Variants in PDE4DIP observed in about 807,000 individuals in gnomAD.
The protein encoded by PDE4DIP is phosphodiesterase 4D interacting protein.
In PDE4DIP, 59 loss-of-function variants were observed where a neutral mutation model predicts 221.4. The ratio of observed to expected loss-of-function variants is 0.27; its 90% CI spans 0.22 to 0.33. PDE4DIP has a LOEUF of 0.33. Ranked by LOEUF, PDE4DIP falls within the 10% of genes least tolerant of loss-of-function variation. PDE4DIP has a pLI of 1.00. For missense variants in PDE4DIP, 1,036 were observed against 2,154.2 expected (o/e 0.48, Z 10.28); for synonymous variants, 404 against 815.9 (o/e 0.50, Z 8.60).
chr1:148,991,425 TCA>T (rs2063022382), intron 21 of PDE4DIP: 1 of 157,858 alleles, frequency 6.3e-6, no homozygotes, highest in Non-Finnish European at 1.4e-5. Flanking sequence ...AGAGAGATTG[TCA>T]CCCTATGCAC....
rs1469063936 is a variant in PDE4DIP, at chr1:148,946,276, CG to C, written c.636+8414del. On this transcript the variant is annotated intron_variant, in intron 5 of 43. Transcript: ENST00000369354. ...AAAGAGGGAAGCAGAGGGCCAGGCG[CG>C]GTGGCTCACGCATATAATCCCAGCA... Among the ~76,000 whole-genome samples, 200 of 142,060 alleles carry C rather than the reference CG, an allele frequency of 1.4e-3. 3 individuals carry two copies. The highest frequency in any genetic ancestry group is 5.1e-3 in the African/African-American group (194 of 37,982). The allele number at this position is 142,060 out of a possible 152,430, so 93.2% of individuals were successfully genotyped here.
chr1:149,022,581 A>G (rs1553620885), intron 37 of PDE4DIP, among the ~76,000 whole-genome samples: 2 of 152,388 alleles, frequency 1.3e-5, no homozygotes, highest in South Asian at 2.1e-4. Context: ...TGGGAGAATA[A>G]TTTAAGTACA....
At chr1:148,933,815 C>A (rs1553472808) in intron 4 of PDE4DIP, among the ~76,000 whole-genome samples, 1 of 151,796 alleles carries the variant, frequency 6.6e-6, no homozygotes, top group Non-Finnish European at 1.5e-5. Flanking sequence ...TCTGATTTCT[C>A]CCACACTCAT....
chr1:148,952,086 C>T (rs1574111326), intron 5 of PDE4DIP: 3 of 1,017,058 alleles, frequency 2.9e-6, no homozygotes, highest in Non-Finnish European at 3.5e-6. Flanking sequence ...CTTTCTCCTC[C>T]CCGCGAGGAG....
At chr1:148,938,122 C>T (rs2049666363) in intron 5 of PDE4DIP, 1 of 298,130 alleles carries the variant, frequency 3.4e-6, no homozygotes, top group African/African-American at 2.2e-5. Flanking sequence ...GGAGGCATAC[C>T]TAGGGAAGGA....
intron 17 of PDE4DIP, among the ~76,000 whole-genome samples, chr1:148,975,064 G>A (rs1341884587): frequency 5.7e-5 from 8 of 139,582 alleles, no homozygotes; most frequent in South Asian, 2.5e-4. Context: ...CCAGCTACTC[G>A]GGAGCCTCAG....
intron 9 of PDE4DIP, among the ~76,000 whole-genome samples, chr1:148,963,097 C>T (rs1553514170): frequency 6.6e-6 from 1 of 152,076 alleles, no homozygotes; most frequent in African/African-American, 2.4e-5. Flanking sequence ...AGGTTTTCAT[C>T]GTGTTAGGAT....
rs1278328022 is a variant in PDE4DIP, at chr1:149,023,098, A to G, written c.6086-1347A>G. 5.9e-5 allele frequency among the ~76,000 whole-genome samples: 9 copies of G among 152,402 alleles called. No homozygotes were observed. The East Asian group carries it at 1.2e-3, about 20-fold the overall frequency. The stretch of plus-strand genomic sequence containing the variant: ...TTCATCCTGAGCTACCTTTCCTTTC[A>G]TGCTTTTCTCCCTGCCTTTTAGGAC... On this transcript the variant is annotated intron_variant, in intron 37 of 43. Transcript: ENST00000369354.
At chr1:149,001,063 C>A (rs2065533510) in intron 23 of PDE4DIP, among the ~76,000 whole-genome samples, 1 of 152,106 alleles carries the variant, frequency 6.6e-6, no homozygotes. Flanking sequence ...AGAAGGTTAT[C>A]TCTATCACGT....
chr1:148,820,485 T>TTGAA (rs1400208263), intron 1 of PDE4DIP, among the ~76,000 whole-genome samples: 1 of 146,308 alleles, frequency 6.8e-6, no homozygotes. Context: ...GGAGAATCAC[T>TTGAA]TGAACCCAGG....
chr1:149,024,324 A>T (rs1553624181), intron 37 of PDE4DIP, 121 bp from the exon 41 acceptor site: 1 of 800,862 alleles, frequency 1.2e-6, no homozygotes, highest in East Asian at 2.5e-5. Flanking sequence ...TCCATCACAG[A>T]TGGGTTGCAT....
At chr1:148,948,749 C>T (rs587651585) in intron 5 of PDE4DIP, among the ~76,000 whole-genome samples, 3 of 151,402 alleles carry the variant, frequency 2.0e-5, no homozygotes, top group Non-Finnish European at 4.4e-5. Context: ...CAATTCTATA[C>T]ACCTATGTTA....
intron 21 of PDE4DIP, among the ~76,000 whole-genome samples, chr1:148,987,932 G>T (rs2062201107): frequency 6.6e-6 from 1 of 152,274 alleles, no homozygotes; most frequent in African/African-American, 2.4e-5. Flanking sequence ...AAGAGGTCAT[G>T]AAGTTCCCCC....
At chr1:148,982,071 T>G (rs1479579249) in intron 21 of PDE4DIP, 1 of 152,984 alleles carries the variant, frequency 6.5e-6, no homozygotes, top group Non-Finnish European at 1.5e-5. Flanking sequence ...AAAGTGATCA[T>G]AGTCAACTTT....
intron 1 of PDE4DIP, among the ~76,000 whole-genome samples, chr1:148,813,665 T>C (rs1553353745): frequency 1.1e-5 from 1 of 94,556 alleles, no homozygotes; most frequent in Non-Finnish European, 2.2e-5. Context: ...ACAAAAATAT[T>C]CTATTTTTTT....
At chr1:148,864,265 TAATA>T (rs1185262503) in intron 2 of PDE4DIP, among the ~76,000 whole-genome samples, 24 of 133,600 alleles carry the variant, frequency 1.8e-4, no homozygotes, top group Non-Finnish European at 3.8e-4. Context: ...AATAATAAAA[TAATA>T]AATAAATAAA....
At chr1:148,981,144 C>A in intron 20 of PDE4DIP, 126 bp from the exon 24 acceptor site, 2 of 819,482 alleles carry the variant, frequency 2.4e-6, no homozygotes, top group Non-Finnish European at 4.0e-6. Flanking sequence ...TTATTGTGTC[C>A]TGGAGAACAA....
rs1182101939 is a variant in PDE4DIP at position 148,950,348 on chromosome 1, A to G, written c.637-10306A>G. ...CCAACTTTGAAGCTCACATACCTAGAGGCAGGCAAAAATGCAGCTGTGGTT... is the reference window on the plus strand; with the variant it reads ...CCAACTTTGAAGCTCACATACCTAGGGGCAGGCAAAAATGCAGCTGTGGTT... On this transcript the variant is annotated intron_variant, in intron 5 of 43. Coordinates refer to ENST00000369354, the Ensembl canonical transcript of PDE4DIP. Among the ~76,000 whole-genome samples the G allele has an allele frequency of 1.2e-4, 18 of 152,152 alleles. 1 individual carries two copies. In the South Asian group the frequency reaches 3.7e-3, roughly 32 times the overall value.
At chr1:148,990,679 GGTT>G (rs1215681846) in intron 21 of PDE4DIP, among the ~76,000 whole-genome samples, 6 of 137,136 alleles carry the variant, frequency 4.4e-5, no homozygotes, top group Middle Eastern at 3.5e-3. Flanking sequence ...GTAACTGGTT[GGTT>G]GCCGAGGCTA....
Sources: gnomAD v4.1 joint callset for allele counts (sites outside exome capture counted in the v4.1 genomes callset) on GRCh38, gnomAD v4.1.1 for gene constraint, MANE v1.5 for transcripts, NCBI Gene and HGNC (gene_info 2026-07-23, HGNC 2026-07-21) for gene names.